The following SH2D3C variants were observed in gnomAD, a reference collection of about 807,000 sequenced individuals.
SH2D3C encodes SH2 domain-containing protein 3C.
In SH2D3C, 25 loss-of-function variants were observed where a neutral mutation model predicts 75.2. The observed-to-expected ratio is 0.33, with a 90% CI of 0.24 to 0.46. SH2D3C has a LOEUF of 0.46. Ranked by LOEUF, SH2D3C falls within the 20% of genes least tolerant of loss-of-function variation. The pLI, the probability that SH2D3C is intolerant of heterozygous loss-of-function variation, is 1.00. For missense variants in SH2D3C, 933 were observed against 1,165.3 expected (o/e 0.80, Z 2.90); for synonymous variants, 450 against 473.7 (o/e 0.95, Z 0.65).
intron 6 of SH2D3C, 27 bp downstream of exon 6, chr9:127,747,120 C>T: frequency 6.2e-7 from 1 of 1,606,164 alleles, no homozygotes; most frequent in Non-Finnish European, 8.5e-7. Context: ...TTCCCTCCAC[C>T]TGCTCCACCC....
At chr9:127,762,660 G>A (rs1428319667) in intron 2 of SH2D3C, among the ~76,000 whole-genome samples, 2 of 152,156 alleles carry the variant, frequency 1.3e-5, no homozygotes, top group Admixed American at 6.5e-5. Flanking sequence ...GGCCACCCTC[G>A]TGTCTCCAGT....
chr9:127,745,084 G>A lies in SH2D3C; in HGVS notation c.1280C>T (p.Ala427Val). Residue 427 changes from alanine to valine, a missense_variant, in exon 7 of 12, where the codon GCC becomes GTC. Physicochemically the swap from Ala to Val is moderately conservative, Grantham distance 64. Transcript: ENST00000314830. Reference sequence around the variant, plus strand: ...TGTGGCAGAAGGGGCTGCAGGGGCGGCATGGACACGGGTTACTGCAGAAAG... The same window carrying A: ...TGTGGCAGAAGGGGCTGCAGGGGCGACATGGACACGGGTTACTGCAGAAAG... ...PAYSTVTRVH[A>V]APAAPSATAL... is the part of the protein sequence containing the mutation. 2 of 1,504,250 alleles carry A rather than the reference G, an allele frequency of 1.3e-6. No homozygotes were observed. The highest frequency in any genetic ancestry group is 2.7e-5 in the South Asian group (2 of 73,366). The allele number at this position is 1,504,250 out of a possible 1,614,324, so 93.2% of individuals were successfully genotyped here. A position where few individuals can be genotyped will look rare whatever the true frequency, so the allele number is the denominator to read the frequency against.
chr9:127,740,000 G>T lies in SH2D3C; in HGVS notation c.2201-112C>A. ...ACGGGCCTGGCTGAGGTCCGGGAGA[G>T]AGCCCCAAGGGCTCCTGACTCCTGG... On this transcript the variant is annotated intron_variant, in intron 10 of 11. Transcript: ENST00000314830. This position sits in a 1 kb window ranked among gnomAD's most constrained non-coding sequence, Gnocchi z 4.3. 1 of 1,035,304 alleles carries T rather than the reference G, an allele frequency of 9.7e-7. No homozygotes were observed. Among genetic ancestry groups the T allele is most frequent in the Non-Finnish European group, 1.4e-6 (1 of 723,628 alleles). 64.1% of individuals were successfully genotyped at this position (1,035,304 alleles called of 1,614,324 possible).
chr9:127,762,459 G>A (rs1326812429), intron 2 of SH2D3C: 1 of 528,020 alleles, frequency 1.9e-6, no homozygotes. Context: ...CAGAACTGTG[G>A]CTCCTCCCTG....
At chr9:127,764,928 T>C in intron 2 of SH2D3C, among the ~76,000 whole-genome samples, 1 of 152,112 alleles carries the variant, frequency 6.6e-6, no homozygotes, top group East Asian at 1.9e-4. Context: ...AGGCTGGTCT[T>C]GAACTCCTGA....
intron 9 of SH2D3C, among the ~76,000 whole-genome samples, chr9:127,741,049 A>G (rs1385582899): frequency 6.6e-6 from 1 of 152,104 alleles, no homozygotes; most frequent in Admixed American, 6.6e-5. Context: ...TTCAAGTCCT[A>G]ATTCTTTCAG....
rs146622930 is a variant in SH2D3C at position 127,739,489 on chromosome 9, G to A, written c.2407+193C>T. Among the ~76,000 whole-genome samples, 1,105 of 151,930 alleles carry A rather than the reference G, an allele frequency of 7.3e-3. 13 individuals are homozygous for A. The highest frequency in any genetic ancestry group is 0.025 in the African/African-American group (1,030 of 41,446). On this transcript the variant is annotated intron_variant, in intron 11 of 11. Transcript: ENST00000314830. This position sits in a 1 kb window ranked among gnomAD's most constrained non-coding sequence, Gnocchi z 4.3. ...TGTGCCACTGCACTCCAGCCTGGGC[G>A]ACAGTGTGAGACTCCATCTCAAAAA...
chr9:127,749,530 C>T lies in SH2D3C; in HGVS notation c.820G>A (p.Ala274Thr). The stretch of plus-strand genomic sequence containing the variant: ...TGGATGTGTGTGTAGCTCTCGCCTG[C>T]CTTCACCACCACCTTGTTGATCTTG... ...HFKINKVVVKAGESYTHIQYL... is the reference protein window; with the variant it reads ...HFKINKVVVKTGESYTHIQYL... The change falls in exon 5 of 12, where the codon GCA becomes ACA. Residue 274 changes from alanine to threonine, a missense_variant. By Grantham distance (58) the Ala-to-Thr change is moderately conservative. Coordinates refer to ENST00000314830, the MANE Select transcript of SH2D3C (RefSeq NM_170600.3). This position sits in a 1 kb window ranked among gnomAD's most constrained non-coding sequence, Gnocchi z 5.9. The T allele has an allele frequency of 1.2e-6, 2 of 1,612,734 alleles. No individual in the cohort carries two copies. The highest frequency in any genetic ancestry group is 1.7e-5 in the Admixed American group (1 of 59,898).
rs1199077382 is a variant in SH2D3C, at chr9:127,739,663, G to A, written c.2407+19C>T. 2.5e-6 allele frequency: 4 copies of A among 1,588,342 alleles called. No homozygotes were observed. The highest frequency in any genetic ancestry group is 3.4e-6 in the Non-Finnish European group (4 of 1,163,944). On this transcript the variant is annotated intron_variant, in intron 11 of 11. Transcript: ENST00000314830. This position sits in a 1 kb window ranked among gnomAD's most constrained non-coding sequence, Gnocchi z 4.3. Reference sequence around the variant, plus strand: ...AGGCCCAGGCCTGCAAGCCCCCCAAGATGCCACCCGCCACTCACCCTGCAG... The same window carrying A: ...AGGCCCAGGCCTGCAAGCCCCCCAAAATGCCACCCGCCACTCACCCTGCAG...
chr9:127,758,094 G>C (rs1400383213), intron 3 of SH2D3C, among the ~76,000 whole-genome samples: 1 of 151,960 alleles, frequency 6.6e-6, no homozygotes. Flanking sequence ...GGGATTACAG[G>C]TGTGAGCCCA....
intron 5 of SH2D3C, among the ~76,000 whole-genome samples, chr9:127,748,504 T>C (rs2131751046): frequency 6.6e-6 from 1 of 152,302 alleles, no homozygotes; most frequent in African/African-American, 2.4e-5. Flanking sequence ...TCTACGGACC[T>C]GGGTTTGAAT....
In SH2D3C at chr9:127,774,815, C is replaced by T. The variant is rs1036236759; in HGVS notation, c.38-348G>A. On this transcript the variant is annotated intron_variant, in intron 1 of 11. Coordinates refer to ENST00000314830, the MANE Select transcript of SH2D3C (RefSeq NM_170600.3). This position sits in a 1 kb window ranked among gnomAD's most constrained non-coding sequence, Gnocchi z 4.3. ...GAATTACAGAAAAGCTTAGGCCAGG[C>T]GTGGTGGCTCATGCCTGTAATCCCA... Among the ~76,000 whole-genome samples the T allele has an allele frequency of 6.6e-5, 10 of 152,296 alleles. No homozygotes were observed. The highest frequency in any genetic ancestry group is 2.0e-4 in the Admixed American group (3 of 15,300).
At position 127,739,718 on chromosome 9, in the gene SH2D3C, C is replaced by T. The variant is rs779992338; in HGVS notation, c.2371G>A (p.Gly791Ser). The change falls in exon 11 of 12, where the codon GGC becomes AGC. Residue 791 changes from glycine to serine, a missense_variant. By Grantham distance (56) the Gly-to-Ser change is moderately conservative. Coordinates refer to ENST00000314830, the MANE Select transcript of SH2D3C (RefSeq NM_170600.3). This position sits in a 1 kb window ranked among gnomAD's most constrained non-coding sequence, Gnocchi z 4.3. Reference protein sequence around the residue: ...EAARTVAHHGGLYHTNAEVKL... With the variant: ...EAARTVAHHGSLYHTNAEVKL... ...ACTTCAGCATTGGTGTGGTACAGGC[C>T]TCCGTGGTGTGCCACTGTGCGGGCG... The T allele has an allele frequency of 1.9e-6, 3 of 1,610,806 alleles. No individual in the cohort carries two copies. The Admixed American group carries it at 5.0e-5, about 27-fold the overall frequency.
intron 2 of SH2D3C, among the ~76,000 whole-genome samples, chr9:127,762,639 C>T (rs987992929): frequency 2.6e-5 from 4 of 152,240 alleles, no homozygotes; most frequent in Non-Finnish European, 4.4e-5. Context: ...TCCACCCCGT[C>T]CCCAAAGTGG....
At chr9:127,767,429 C>T (rs899330318) in intron 2 of SH2D3C, 4 of 463,264 alleles carry the variant, frequency 8.6e-6, no homozygotes, top group Non-Finnish European at 1.1e-5. Flanking sequence ...GGCCTGATGT[C>T]TAATTCCCTG....
chr9:127,747,192 T>C lies in SH2D3C; in HGVS notation c.1219A>G (p.Met407Val), dbSNP rs1332864658. Residue 407 changes from methionine to valine, a missense_variant, in exon 6 of 12, where the codon ATG becomes GTG. Met to Val is a conservative substitution (Grantham distance 21, BLOSUM62 1). Transcript: ENST00000314830. ...MDQIPDLHSPMSPISESPSSP... is the reference protein window; with the variant it reads ...MDQIPDLHSPVSPISESPSSP... The stretch of plus-strand genomic sequence containing the variant: ...CTAGGGCTCTCGGAGATGGGCGACA[T>C]GGGTGAGTGCAGGTCTGGGATCTGG... 5 of 1,613,772 alleles carry C rather than the reference T, an allele frequency of 3.1e-6. No individual in the cohort carries two copies. The highest frequency in any genetic ancestry group is 4.2e-6 in the Non-Finnish European group (5 of 1,179,990).
chr9:127,761,230 G>A (rs963547974), intron 3 of SH2D3C, among the ~76,000 whole-genome samples: 1 of 152,206 alleles, frequency 6.6e-6, no homozygotes. Context: ...AAAGAACTGA[G>A]TCATCCTCTC....
chr9:127,755,244 C>T (rs1327753362), intron 3 of SH2D3C: 13 of 1,142,934 alleles, frequency 1.1e-5, no homozygotes, highest in Non-Finnish European at 1.3e-5. Context: ...CGGCTAGGCA[C>T]CGGCTGCGCG....
chr9:127,755,032 G>A (rs1845331136), intron 3 of SH2D3C: 17 of 972,946 alleles, frequency 1.7e-5, no homozygotes, highest in Non-Finnish European at 2.2e-5. Flanking sequence ...GGAGCGGCCG[G>A]GGGTCCCAGC....
Sources: gnomAD v4.1 joint callset for allele counts (sites outside exome capture counted in the v4.1 genomes callset) on GRCh38, gnomAD v4.1.1 for gene constraint, Gnocchi (gnomAD v3.1) non-coding constraint, MANE v1.5 for transcripts, NCBI Gene and HGNC (gene_info 2026-07-23, HGNC 2026-07-21) for gene names.